The following TMC1 variants were observed in gnomAD, a reference collection of about 807,000 sequenced individuals.
TMC1 encodes the protein transmembrane channel like 1, also known as transmembrane channel-like protein 1.
A neutral mutation model predicts 105.8 loss-of-function variants in TMC1; 84 were observed. That is an observed-to-expected ratio of 0.79 (90% CI 0.67 to 0.95). The LOEUF is 0.95. TMC1 is among the 40% of genes least tolerant of loss of function. TMC1 has a pLI of 0.00. For synonymous variants in TMC1, 315 were observed against 311.5 expected (o/e 1.01, Z -0.12); for missense variants, 817 against 914.1 (o/e 0.89, Z 1.37).
intron 4 of TMC1, among the ~76,000 whole-genome samples, chr9:72,630,995 G>A (rs1184452119): frequency 6.6e-6 from 1 of 151,788 alleles, no homozygotes; most frequent in Non-Finnish European, 1.5e-5. Flanking sequence ...AGCCTCCAGA[G>A]TAGCTGGAAT....
chr9:72,692,201 T>C (rs933739812), intron 6 of TMC1, among the ~76,000 whole-genome samples: 2 of 152,194 alleles, frequency 1.3e-5, no homozygotes, highest in African/African-American at 4.8e-5. Flanking sequence ...GTGCTCAGAT[T>C]CTGGCAAGAC....
At chr9:72,747,659 A>G (rs879852117) in intron 10 of TMC1, among the ~76,000 whole-genome samples, 3 of 152,096 alleles carry the variant, frequency 2.0e-5, no homozygotes, top group Non-Finnish European at 2.9e-5. Flanking sequence ...CAGTGGCGCA[A>G]TCTCGGCTCA....
intron 11 of TMC1, among the ~76,000 whole-genome samples, chr9:72,754,134 A>T (rs1199493114): frequency 1.3e-5 from 2 of 152,122 alleles, no homozygotes; most frequent in Non-Finnish European, 2.9e-5. Flanking sequence ...TGCTCTTTCC[A>T]GTTCTCACCA....
At chr9:72,663,869 GCTTT>G (rs928883263) in intron 5 of TMC1, among the ~76,000 whole-genome samples, 28 of 151,928 alleles carry the variant, frequency 1.8e-4, no homozygotes, top group Non-Finnish European at 1.2e-4. Context: ...TTCTATAAGT[GCTTT>G]CTATTTTCAT....
intron 4 of TMC1, 132 bp from the exon 5 acceptor site, chr9:72,648,465 T>C: frequency 1.5e-6 from 1 of 660,190 alleles, no homozygotes; most frequent in Non-Finnish European, 2.7e-6. Context: ...CGTGAAAATT[T>C]AATGGTGAGG....
Position 72,700,626 on chromosome 9 carries a change from G to C in TMC1, c.345G>C (p.Lys115Asn), listed in dbSNP as rs1222930328. The C allele has an allele frequency of 1.2e-6, 2 of 1,600,318 alleles. No individual in the cohort carries two copies. Among genetic ancestry groups the C allele is most frequent in the Non-Finnish European group, 1.7e-6 (2 of 1,171,592 alleles). Residue 115 changes from lysine (K) to asparagine (N), a missense_variant, in exon 8 of 24, where the codon AAG (lysine) becomes AAC (asparagine). Coordinates refer to ENST00000297784, the MANE Select transcript of TMC1 (RefSeq NM_138691.3). The part of the protein sequence containing the change: ...TVKCKPWKME[K>N]KIEVLKEAKK... ...AATGCAAACCATGGAAGATGGAGAA[G>C]AAAATTGAAGTTCTCAAGTATGGTG... is the stretch of plus-strand genomic sequence containing the variant.
chr9:72,788,359 A>G lies in TMC1; in HGVS notation c.905A>G (p.Asp302Gly). 3.1e-6 allele frequency: 5 copies of G among 1,613,842 alleles called. No individual in the cohort carries two copies. The South Asian group carries it at 3.3e-5, about 11-fold the overall frequency. Residue 302 changes from aspartate to glycine, a missense_variant, in exon 14 of 24, where the codon GAT becomes GGT. Asp to Gly is a moderately conservative substitution (Grantham distance 94). Coordinates refer to ENST00000297784, the MANE Select transcript of TMC1 (RefSeq NM_138691.3). The stretch of plus-strand genomic sequence containing the variant: ...TGCAGAATGACCAAAAACATTGGTG[A>G]TGATGGAGGTGGAGATGACAACACT... ...VLKAMTKNIG[D>G]DGGGDDNTFN...
At chr9:72,711,387 G>A (rs935555395) in intron 8 of TMC1, among the ~76,000 whole-genome samples, 1 of 152,200 alleles carries the variant, frequency 6.6e-6, no homozygotes, top group Admixed American at 6.5e-5. Context: ...CCCACCAACA[G>A]TGTAAAAGCA....
At chr9:72,555,071 G>C (rs1186096131) in intron 1 of TMC1, among the ~76,000 whole-genome samples, 1 of 151,792 alleles carries the variant, frequency 6.6e-6, no homozygotes, top group Non-Finnish European at 1.5e-5. Flanking sequence ...TAGAGAAGGG[G>C]TTTCACCATG....
intron 2 of TMC1, among the ~76,000 whole-genome samples, chr9:72,606,044 G>T (rs947895535): frequency 1.3e-5 from 2 of 152,044 alleles, no homozygotes; most frequent in Admixed American, 1.3e-4. Flanking sequence ...GTGGTGGGGG[G>T]GTTAGGATGT....
chr9:72,585,616 A>G (rs1051975696), intron 2 of TMC1, among the ~76,000 whole-genome samples: 2 of 152,236 alleles, frequency 1.3e-5, no homozygotes, highest in Non-Finnish European at 2.9e-5. Context: ...TTTGCAAAAT[A>G]AAGAGTTTCT....
At chr9:72,609,179 CCCTTCCTTCCTT>C (rs60808924) in intron 2 of TMC1, among the ~76,000 whole-genome samples, 2,025 of 136,134 alleles carry the variant, frequency 0.015, 25 homozygotes, top group Admixed American at 0.04. Flanking sequence ...CTTCCTCCTT[CCCTTCCTTCCTT>C]CCTTCCTTCC....
At chr9:72,822,167 T>C (rs1330288) in intron 20 of TMC1, among the ~76,000 whole-genome samples, 10,952 of 152,228 alleles carry the variant, frequency 0.072, 472 homozygotes, top group African/African-American at 0.12. Flanking sequence ...TACTACAAGT[T>C]CTCCCAAGAA....
chr9:72,712,659 G>T (rs1404368651), intron 8 of TMC1, among the ~76,000 whole-genome samples: 1 of 152,152 alleles, frequency 6.6e-6, no homozygotes, highest in African/African-American at 2.4e-5. Flanking sequence ...AGCTTAAGGA[G>T]ATTTTGGGCT....
chr9:72,834,785 A>G (rs571952328), intron 23 of TMC1, among the ~76,000 whole-genome samples: 16 of 152,168 alleles, frequency 1.1e-4, no homozygotes, highest in African/African-American at 3.6e-4. Flanking sequence ...GCAATTATTC[A>G]TTTGTACCAA....
chr9:72,544,169 T>C (rs1823725908), intron 1 of TMC1, among the ~76,000 whole-genome samples: 1 of 152,080 alleles, frequency 6.6e-6, no homozygotes, highest in African/African-American at 2.4e-5. Context: ...CAGGCTGGTC[T>C]CGAACAGCTG....
intron 8 of TMC1, among the ~76,000 whole-genome samples, chr9:72,734,993 A>C (rs1439015395): frequency 6.6e-6 from 1 of 152,244 alleles, no homozygotes; most frequent in Non-Finnish European, 1.5e-5. Context: ...AAGTTAGTCC[A>C]GTGTGTGCTT....
intron 21 of TMC1, among the ~76,000 whole-genome samples, chr9:72,828,462 G>T (rs571085644): frequency 2.6e-5 from 4 of 151,990 alleles, no homozygotes; most frequent in African/African-American, 9.6e-5. Context: ...GTCAGATTTC[G>T]TTACCATATT....
intron 12 of TMC1, among the ~76,000 whole-genome samples, chr9:72,756,094 T>C (rs1014101932): frequency 6.6e-6 from 1 of 152,192 alleles, no homozygotes; most frequent in African/African-American, 2.4e-5. Context: ...TGAGTTAGCA[T>C]GAGGCACAAT....
Sources: allele counts gnomAD v4.1 joint callset (sites outside exome capture counted in the v4.1 genomes callset), GRCh38; gene constraint gnomAD v4.1.1; transcripts MANE v1.5; gene names NCBI Gene and HGNC (gene_info 2026-07-23, HGNC 2026-07-21).